The following PTK7 variants were observed in gnomAD, a reference collection of about 807,000 sequenced individuals.
PTK7 encodes the protein inactive tyrosine-protein kinase 7.
PTK7 carries 39 observed loss-of-function variants against 116.6 expected under a neutral mutation model. The observed-to-expected ratio is 0.33, with a 90% confidence interval of 0.26 to 0.44. The LOEUF (loss-of-function observed/expected upper bound fraction) is 0.44, where lower values mean the gene tolerates loss of function less well. PTK7 is among the 20% of genes least tolerant of loss of function. The pLI, the probability that PTK7 is intolerant of heterozygous loss-of-function variation, is 1.00. For missense variants in PTK7, 1,169 were observed against 1,425.6 expected (o/e 0.82, Z 2.90); for synonymous variants, 546 against 563.6 (o/e 0.97, Z 0.44).
At chr6:43,148,345 C>A (rs892566129) in intron 17 of PTK7, among the ~76,000 whole-genome samples, 3 of 152,122 alleles carry the variant, frequency 2.0e-5, no homozygotes, top group African/African-American at 7.2e-5. Flanking sequence ...TGACCTGTGC[C>A]TTACAGACTT....
At chr6:43,154,128 A>G (rs988303808) in intron 17 of PTK7, among the ~76,000 whole-genome samples, 2 of 152,106 alleles carry the variant, frequency 1.3e-5, no homozygotes, top group African/African-American at 2.4e-5. Flanking sequence ...GCGCCACTGC[A>G]CTCCAGCCTG....
intron 1 of PTK7, among the ~76,000 whole-genome samples, chr6:43,098,302 G>C (rs1767366507): frequency 6.6e-6 from 1 of 151,850 alleles, no homozygotes; most frequent in African/African-American, 2.4e-5. Context: ...CCTAGTCCTG[G>C]GCTTAGTTCA....
chr6:43,133,939 C>T (rs1392165895), intron 7 of PTK7, among the ~76,000 whole-genome samples: 4 of 152,228 alleles, frequency 2.6e-5, no homozygotes, highest in Admixed American at 6.5e-5. Context: ...ACATGTGTAA[C>T]GAGTGCTCAG....
intron 1 of PTK7, among the ~76,000 whole-genome samples, chr6:43,102,563 T>G (rs1392913966): frequency 6.6e-6 from 1 of 151,562 alleles, no homozygotes; most frequent in Non-Finnish European, 1.5e-5. Context: ...CATTCCAGCC[T>G]GGGCAACAGA....
intron 17 of PTK7, among the ~76,000 whole-genome samples, chr6:43,157,345 TATATATATATATA>T (rs1434412110): frequency 3.5e-4 from 11 of 31,080 alleles, no homozygotes; most frequent in African/African-American, 8.2e-4. Flanking sequence ...TATATATATA[TATATATATATATA>T]TATATATTTT....
Position 43,141,431 on chromosome 6 carries a change from C to T in PTK7, c.1619-237C>T, listed in dbSNP as rs570220206. On this transcript the variant is annotated intron_variant, in intron 10 of 19. Transcript: ENST00000230419. The surrounding 1 kb of genome is among the most constrained non-coding windows in gnomAD (Gnocchi z 4.9). The stretch of plus-strand genomic sequence containing the variant: ...GGCCGATCTGGGCCCAAACAGAGTC[C>T]GGTTTGGCAGACGTGGAATGTCACA... Among the ~76,000 whole-genome samples the T allele has an allele frequency of 5.9e-5, 9 of 152,144 alleles. No individual in the cohort carries two copies. The South Asian group carries it at 6.2e-4, about 11-fold the overall frequency.
chr6:43,079,853 G>T (rs879407288), intron 1 of PTK7, among the ~76,000 whole-genome samples: 1 of 149,048 alleles, frequency 6.7e-6, no homozygotes, highest in African/African-American at 2.5e-5. Flanking sequence ...GAGCCCAGGG[G>T]CTCAAGACCA....
intron 1 of PTK7, among the ~76,000 whole-genome samples, chr6:43,104,192 G>A (rs1582097014): frequency 6.6e-6 from 1 of 152,050 alleles, no homozygotes; most frequent in South Asian, 2.1e-4. Context: ...TAATAATAAG[G>A]TAACAGTAAG....
chr6:43,156,869 C>T (rs1478885576), intron 17 of PTK7, among the ~76,000 whole-genome samples: 6 of 151,186 alleles, frequency 4.0e-5, no homozygotes, highest in Non-Finnish European at 8.8e-5. Flanking sequence ...TGCCCTCCAG[C>T]GTGGGTGACA....
chr6:43,130,762 T>A, intron 5 of PTK7, 101 bp downstream of exon 5: 6 of 1,453,090 alleles, frequency 4.1e-6, no homozygotes, highest in Non-Finnish European at 5.7e-6. Flanking sequence ...GATTTGTACA[T>A]GTATTATTTC....
chr6:43,116,463 G>A (rs1347985606), intron 1 of PTK7, among the ~76,000 whole-genome samples: 5 of 152,280 alleles, frequency 3.3e-5, no homozygotes, highest in East Asian at 1.9e-4. Context: ...TGTCTGCTCC[G>A]GGAAGTGGTT....
At position 43,146,711 on chromosome 6, in the gene PTK7, A is replaced by G. The variant is rs1357911176; in HGVS notation, c.2721+13A>G. 2 of 1,610,282 alleles carry G rather than the reference A, an allele frequency of 1.2e-6. No individual in the cohort carries two copies. The highest frequency in any genetic ancestry group is 1.7e-6 in the Non-Finnish European group (2 of 1,178,566). ...CACCAAGCAGAAGGTGAGGACAGGG[A>G]GTGAAGGAGGGAGGGAGAGGGTGCC... is the stretch of plus-strand genomic sequence containing the variant. On this transcript the variant is annotated intron_variant, in intron 17 of 19. Coordinates refer to ENST00000230419, the MANE Select transcript of PTK7 (RefSeq NM_002821.5).
intron 7 of PTK7, among the ~76,000 whole-genome samples, chr6:43,134,996 A>T (rs1371592858): frequency 6.6e-6 from 1 of 152,100 alleles, no homozygotes; most frequent in African/African-American, 2.4e-5. Flanking sequence ...AAGAAAAAAA[A>T]TGCAGAATTC....
At chr6:43,081,650 C>G (rs914750377) in intron 1 of PTK7, among the ~76,000 whole-genome samples, 3 of 152,152 alleles carry the variant, frequency 2.0e-5, no homozygotes, top group African/African-American at 4.8e-5. Flanking sequence ...GGTGATCTGC[C>G]CACTTCAGCC....
chr6:43,099,236 T>A (rs1767432101), intron 1 of PTK7, among the ~76,000 whole-genome samples: 1 of 99,458 alleles, frequency 1.0e-5, no homozygotes, highest in South Asian at 4.0e-4. Flanking sequence ...CTATTTTTCC[T>A]TTTTTTTTTT....
intron 14 of PTK7, 24 bp from the exon 15 acceptor site, chr6:43,144,427 C>A (rs769753879): frequency 1.2e-6 from 2 of 1,613,770 alleles, no homozygotes; most frequent in African/African-American, 2.7e-5. Flanking sequence ...CTCATCGTGA[C>A]GCTCTTGTCC....
chr6:43,136,664 T>C (rs1770061244), intron 7 of PTK7, among the ~76,000 whole-genome samples: 1 of 152,086 alleles, frequency 6.6e-6, no homozygotes, highest in African/African-American at 2.4e-5. Context: ...CTGTGTTCTG[T>C]TGGACAAGGG....
chr6:43,081,597 G>A (rs997479565), intron 1 of PTK7, among the ~76,000 whole-genome samples: 6 of 151,908 alleles, frequency 3.9e-5, no homozygotes, highest in African/African-American at 1.5e-4. Flanking sequence ...TAGAGACGGG[G>A]TTTCCCCATG....
chr6:43,135,380 C>T (rs1769968490), intron 7 of PTK7, among the ~76,000 whole-genome samples: 1 of 152,224 alleles, frequency 6.6e-6, no homozygotes, highest in Admixed American at 6.5e-5. Flanking sequence ...CAGGCAGAAG[C>T]CCCTCTCCTT....
Sources: gnomAD v4.1 joint callset for allele counts (sites outside exome capture counted in the v4.1 genomes callset) on GRCh38, gnomAD v4.1.1 for gene constraint, Gnocchi (gnomAD v3.1) non-coding constraint, MANE v1.5 for transcripts, NCBI Gene and HGNC (gene_info 2026-07-23, HGNC 2026-07-21) for gene names.